The following FHOD3 variants were observed in gnomAD, a reference collection of about 807,000 sequenced individuals.
FHOD3 encodes FH1/FH2 domain-containing protein 3.
In FHOD3, 90 loss-of-function variants were observed where a neutral mutation model predicts 173.0. The ratio of observed to expected loss-of-function variants is 0.52; its 90% CI spans 0.44 to 0.62. FHOD3 has a LOEUF of 0.62. Among genes scored for constraint, FHOD3 ranks in the 20% least tolerant of loss-of-function variants. The probability of loss-of-function intolerance (pLI) is 0.00; values close to 1 mark genes in which losing one functional copy is unlikely to be tolerated. For missense variants in FHOD3, 1,945 were observed against 2,034.7 expected, an observed-to-expected ratio of 0.96 and a Z score of 0.85; for synonymous variants, 828 against 823.0, an observed-to-expected ratio of 1.01 and a Z score of -0.10.
intron 3 of FHOD3, among the ~76,000 whole-genome samples, chr18:36,455,980 A>G (rs1215365836): frequency 2.0e-5 from 3 of 152,112 alleles, no homozygotes; most frequent in Non-Finnish European, 2.9e-5. Flanking sequence ...CTGCCTGTAG[A>G]TACTGTCAAG....
chr18:36,458,325 T>A (rs1420827781), intron 3 of FHOD3, among the ~76,000 whole-genome samples: 1 of 152,146 alleles, frequency 6.6e-6, no homozygotes, highest in Non-Finnish European at 1.5e-5. Flanking sequence ...TGGCTGCATT[T>A]TTGATGTCTC....
At chr18:36,510,361 G>C (rs1355402805) in intron 4 of FHOD3, among the ~76,000 whole-genome samples, 1 of 152,172 alleles carries the variant, frequency 6.6e-6, no homozygotes, top group Non-Finnish European at 1.5e-5. Flanking sequence ...CAATTTGGAA[G>C]ATTTTTTTCC....
intron 1 of FHOD3, among the ~76,000 whole-genome samples, chr18:36,316,969 C>T (rs1273275229): frequency 6.6e-6 from 1 of 151,496 alleles, no homozygotes; most frequent in African/African-American, 2.4e-5. Context: ...TGAGAACATG[C>T]AGTGTTTGGT....
Position 36,747,052 on chromosome 18 carries a change from A to G in FHOD3, c.4149A>G (p.Leu1383=). The change falls in exon 24 of 29, where the codon TTA becomes TTG. Residue 1383 remains leucine (L), a synonymous_variant. Coordinates refer to ENST00000590592, the MANE Select transcript of FHOD3 (RefSeq NM_001281740.3). The part of the protein sequence containing the change: ...AIAKHEMKPV[L]KQRMSEFLKD... ...CAAAACATGAAATGAAACCAGTTTT[A>G]AAACAACGGATGTCAGAGTTCCTGA... 6.2e-7 allele frequency: 1 copy of G among 1,614,204 alleles called. No individual in the cohort carries two copies. Among genetic ancestry groups the G allele is most frequent in the Non-Finnish European group, 8.5e-7 (1 of 1,180,034 alleles).
chr18:36,303,798 T>G (rs2092017953), intron 1 of FHOD3, among the ~76,000 whole-genome samples: 1 of 152,168 alleles, frequency 6.6e-6, no homozygotes. Context: ...GGTCCTCCTC[T>G]GCTGGCCATT....
At chr18:36,626,493 A>G (rs1223488941) in intron 10 of FHOD3, among the ~76,000 whole-genome samples, 1 of 152,256 alleles carries the variant, frequency 6.6e-6, no homozygotes, top group Non-Finnish European at 1.5e-5. Flanking sequence ...TAGAGGTACA[A>G]CAAAAGGCTG....
At chr18:36,764,068 T>C (rs2043037656) in intron 27 of FHOD3, among the ~76,000 whole-genome samples, 1 of 152,136 alleles carries the variant, frequency 6.6e-6, no homozygotes, top group Admixed American at 6.6e-5. Context: ...AAACCCTGAT[T>C]TTATGTGGGA....
intron 3 of FHOD3, among the ~76,000 whole-genome samples, chr18:36,391,556 T>C (rs1031397429): frequency 6.6e-6 from 1 of 152,136 alleles, no homozygotes; most frequent in African/African-American, 2.4e-5. Flanking sequence ...ACATACTGGA[T>C]CTTAGCAATG....
In FHOD3 at chr18:36,355,474, G is replaced by C. The variant is rs1402123493; in HGVS notation, c.166-65G>C. On this transcript the variant is annotated intron_variant, in intron 1 of 28. Transcript: ENST00000590592. ...AAAACACAGGAGGGCAACATGATGT[G>C]ATTTCTCCATATGTAGTCTCCATCT... 46 of 1,322,132 alleles carry C rather than the reference G, an allele frequency of 3.5e-5. No homozygotes were observed. In the East Asian group the frequency reaches 6.7e-4, roughly 19 times the overall value. The allele number at this position is 1,322,132 out of a possible 1,614,324, so 81.9% of individuals were successfully genotyped here.
chr18:36,369,460 C>CAG (rs2047059320), intron 2 of FHOD3, among the ~76,000 whole-genome samples: 2 of 121,102 alleles, frequency 1.7e-5, no homozygotes, highest in African/African-American at 6.7e-5. Context: ...CACACACACA[C>CAG]ACACACACAC....
chr18:36,704,528 C>G (rs2039762546), intron 17 of FHOD3, among the ~76,000 whole-genome samples: 1 of 152,196 alleles, frequency 6.6e-6, no homozygotes, highest in South Asian at 2.1e-4. Flanking sequence ...TGGTTATGGA[C>G]AAGCATGGTG....
intron 5 of FHOD3, among the ~76,000 whole-genome samples, chr18:36,571,124 AAAAAC>A: frequency 6.6e-6 from 1 of 152,186 alleles, no homozygotes. Context: ...GGAAATCTAC[AAAAAC>A]AAAACAAAAA....
intron 1 of FHOD3, among the ~76,000 whole-genome samples, chr18:36,350,272 A>G (rs4799416): frequency 0.24 from 36,348 of 152,122 alleles, 4,537 homozygotes; most frequent in Admixed American, 0.33. Flanking sequence ...CTTACTGTGG[A>G]TCTGAGACTG....
intron 28 of FHOD3, among the ~76,000 whole-genome samples, chr18:36,773,565 G>A (rs867460365): frequency 6.6e-6 from 1 of 152,170 alleles, no homozygotes; most frequent in African/African-American, 2.4e-5. Context: ...TCTTTTGTAC[G>A]ATGAAGGCAG....
At chr18:36,302,093 G>A (rs2091968463) in intron 1 of FHOD3, among the ~76,000 whole-genome samples, 1 of 152,230 alleles carries the variant, frequency 6.6e-6, no homozygotes, top group African/African-American at 2.4e-5. Context: ...TGAGTGAGAA[G>A]TTCCGAGTTG....
intron 5 of FHOD3, among the ~76,000 whole-genome samples, chr18:36,556,169 C>G (rs9958510): frequency 0.26 from 40,091 of 151,900 alleles, 5,629 homozygotes; most frequent in Non-Finnish European, 0.32. Flanking sequence ...TAAATAGTGT[C>G]TTTTTAGCTG....
At chr18:36,354,135 T>C (rs1035893671) in intron 1 of FHOD3, among the ~76,000 whole-genome samples, 4 of 152,218 alleles carry the variant, frequency 2.6e-5, no homozygotes, top group African/African-American at 9.6e-5. Context: ...GCAAACACAT[T>C]TGCTCAGTCA....
intron 20 of FHOD3, among the ~76,000 whole-genome samples, chr18:36,731,376 T>G (rs1373119552): frequency 6.6e-6 from 1 of 152,208 alleles, no homozygotes; most frequent in Non-Finnish European, 1.5e-5. Flanking sequence ...CCTGGGTTCA[T>G]GTTCTTCCAC....
chr18:36,403,525 T>A (rs747550956), intron 3 of FHOD3, among the ~76,000 whole-genome samples: 6 of 152,186 alleles, frequency 3.9e-5, no homozygotes, highest in Non-Finnish European at 7.3e-5. Context: ...ATGGAACTTA[T>A]CACTTACGGA....
Sources: allele counts gnomAD v4.1 joint callset (sites outside exome capture counted in the v4.1 genomes callset), GRCh38; gene constraint gnomAD v4.1.1; transcripts MANE v1.5; gene names NCBI Gene and HGNC (gene_info 2026-07-23, HGNC 2026-07-21).